Variants in HHLA2 observed in about 807,000 individuals in gnomAD.
HHLA2 encodes the protein HHLA2 member of B7 family.
In HHLA2, 48 loss-of-function variants were observed where a neutral mutation model predicts 45.9. The observed-to-expected ratio is 1.05, with a 90% CI of 0.83 to 1.33. The LOEUF (loss-of-function observed/expected upper bound fraction) is 1.33, where lower values mean the gene tolerates loss of function less well. Ranked by LOEUF, HHLA2 falls within the 40% of genes most tolerant of loss-of-function variation. HHLA2 has a pLI of 0.00. For synonymous variants in HHLA2, 161 were observed against 173.9 expected, an observed-to-expected ratio of 0.93 and a Z score of 0.59; for missense variants, 462 against 494.3, an observed-to-expected ratio of 0.93 and a Z score of 0.62.
intron 8 of HHLA2, among the ~76,000 whole-genome samples, chr3:108,363,262 G>GA (rs918230915): frequency 9.2e-5 from 14 of 152,238 alleles, no homozygotes; most frequent in Admixed American, 9.2e-4. Flanking sequence ...AGGAATCCAG[G>GA]AAGTTAGCTT....
intron 1 of HHLA2, among the ~76,000 whole-genome samples, chr3:108,306,488 A>C (rs1414042062): frequency 6.6e-6 from 1 of 152,046 alleles, no homozygotes; most frequent in African/African-American, 2.4e-5. Flanking sequence ...GGCCTGCTCG[A>C]GCTCTCCCTC....
intron 3 of HHLA2, among the ~76,000 whole-genome samples, chr3:108,340,354 G>T (rs1221842299): frequency 6.6e-6 from 1 of 152,204 alleles, no homozygotes; most frequent in Non-Finnish European, 1.5e-5. Context: ...ATGGGGGCAT[G>T]GGTAAAGATG....
intron 3 of HHLA2, among the ~76,000 whole-genome samples, chr3:108,330,598 G>C (rs939372768): frequency 6.6e-6 from 1 of 152,178 alleles, no homozygotes; most frequent in Non-Finnish European, 1.5e-5. Flanking sequence ...TGATGGCCTT[G>C]AAGAAAGAAA....
chr3:108,376,570 T>A lies in HHLA2; in HGVS notation c.1224+13T>A. 6.2e-7 allele frequency: 1 copy of A among 1,609,126 alleles called. No homozygotes were observed. The highest frequency in any genetic ancestry group is 8.5e-7 in the Non-Finnish European group (1 of 1,176,276). On this transcript the variant is annotated intron_variant, in intron 10 of 10. Coordinates refer to ENST00000619531, the Ensembl canonical transcript of HHLA2. ...CGAAGAAAATGTGGTAAGGCATTAT[T>A]TCCTTTATCAAACCATATACAGTAT...
chr3:108,336,871 T>A (rs2081480504), intron 3 of HHLA2, among the ~76,000 whole-genome samples: 1 of 152,046 alleles, frequency 6.6e-6, no homozygotes, highest in South Asian at 2.1e-4. Flanking sequence ...AGAGAATACC[T>A]AATACCAGTT....
At chr3:108,340,864 G>A (rs1455751523) in intron 3 of HHLA2, among the ~76,000 whole-genome samples, 1 of 147,756 alleles carries the variant, frequency 6.8e-6, no homozygotes, top group African/African-American at 2.5e-5. Flanking sequence ...AGAAACAGGG[G>A]TCCTGGAGAG....
Position 108,376,508 on chromosome 3 carries a change from C to T in HHLA2, c.1175C>T (p.Pro392Leu), listed in dbSNP as rs77035676. 1,125 of 1,606,592 alleles carry T rather than the reference C, an allele frequency of 7.0e-4. 8 individuals carry two copies. The African/African-American group carries it at 0.012, about 17-fold the overall frequency. ...TTTCCTGTAGAAAGATGTTGTGTCC[C>T]TCCTGGTGAGCGCTGTCCCAGTGCA... Residue 392 changes from proline to leucine, a missense_variant, in exon 10 of 11, where the codon CCT becomes CTT. By Grantham distance (98) the Pro-to-Leu change is moderately conservative. This residue lies in a region of HHLA2 where 123 missense variants were observed against 110.5 expected (regional missense o/e 1.11). Coordinates refer to ENST00000619531, the Ensembl canonical transcript of HHLA2.
chr3:108,353,737 A>T, exon 5 of HHLA2: 1 of 1,613,146 alleles, frequency 6.2e-7, no homozygotes, highest in Non-Finnish European at 8.5e-7. Flanking sequence ...ATGTAGGAAC[A>T]GCAATTCAAG....
intron 2 of HHLA2, chr3:108,311,929 C>G (rs1289445445): frequency 6.6e-6 from 1 of 152,240 alleles, no homozygotes; most frequent in Non-Finnish European, 1.5e-5. Context: ...CTCTTTTCTG[C>G]CCTTCCTCAC....
chr3:108,324,386 C>T (rs2081254103), intron 2 of HHLA2, among the ~76,000 whole-genome samples: 4 of 152,124 alleles, frequency 2.6e-5, no homozygotes, highest in Admixed American at 2.6e-4. Flanking sequence ...TGTATCAGCA[C>T]ATTTAGATCT....
At chr3:108,317,556 G>C (rs1210891856) in intron 2 of HHLA2, among the ~76,000 whole-genome samples, 1 of 151,544 alleles carries the variant, frequency 6.6e-6, no homozygotes, top group Non-Finnish European at 1.5e-5. Context: ...AGGTAGCCTA[G>C]GATAGTAGGG....
chr3:108,305,539 T>A (rs937551346), intron 1 of HHLA2, among the ~76,000 whole-genome samples: 4 of 152,190 alleles, frequency 2.6e-5, no homozygotes, highest in Admixed American at 2.0e-4. Flanking sequence ...CCCAATGTCA[T>A]CATCTAGTCC....
At chr3:108,321,500 T>C (rs2081201752) in intron 2 of HHLA2, among the ~76,000 whole-genome samples, 1 of 152,182 alleles carries the variant, frequency 6.6e-6, no homozygotes, top group Non-Finnish European at 1.5e-5. Context: ...TTCTTTTTGC[T>C]GGCAAGTCAT....
chr3:108,357,720 C>T lies in HHLA2; in HGVS notation c.686-124C>T, dbSNP rs113381245. 4.8e-4 allele frequency: 374 copies of T among 784,586 alleles called. 2 individuals carry two copies. The African/African-American group carries it at 5.6e-3, about 12-fold the overall frequency. 48.6% of individuals were successfully genotyped at this position (784,586 alleles called of 1,614,324 possible). A position where few individuals can be genotyped will look rare whatever the true frequency, so the allele number is the denominator to read the frequency against. ...ACCACAGTACAAATATAATTACTTT[C>T]CAAAAAGTTATTTCCAAATATATCA... On this transcript the variant is annotated intron_variant, in intron 6 of 10. Transcript: ENST00000619531.
Position 108,375,813 on chromosome 3 carries a change from T to C in HHLA2, c.1159+13T>C, listed in dbSNP as rs750388865. ...GGAGCCCAACAAGGTCAGCCTCCCA[T>C]GTCTGAGAGAAGAATGGATTCTGGT... On this transcript the variant is annotated intron_variant, in intron 9 of 10. Transcript: ENST00000619531. The C allele has an allele frequency of 2.2e-5, 35 of 1,608,792 alleles. No homozygotes were observed. Among genetic ancestry groups the C allele is most frequent in the Non-Finnish European group, 2.8e-5 (33 of 1,176,918 alleles).
intron 2 of HHLA2, chr3:108,311,708 T>G (rs1319120730): frequency 6.6e-6 from 1 of 152,234 alleles, no homozygotes; most frequent in Admixed American, 6.5e-5. Flanking sequence ...TATACACATT[T>G]GATTGCAGTA....
In HHLA2 at chr3:108,321,091, T is replaced by TAAAAAAAAAAAA. The variant is rs67374827; in HGVS notation, c.-104-7169_-104-7158dup. On this transcript the variant is annotated intron_variant, in intron 2 of 10. Transcript: ENST00000619531. ...TCACCAGAACATTTCTCCAGGTGTT[T>TAAAAAAAAAAAA]AAAAAAAAAAAAAAAAAAAAAGACT... Among the ~76,000 whole-genome samples, 15 of 101,426 alleles carry TAAAAAAAAAAAA rather than the reference T, an allele frequency of 1.5e-4. 1 individual carries two copies. The highest frequency in any genetic ancestry group is 1.4e-4 in the Non-Finnish European group (7 of 49,596). The allele number at this position is 101,426 out of a possible 152,430, so 66.5% of individuals were successfully genotyped here.
intron 8 of HHLA2, among the ~76,000 whole-genome samples, chr3:108,370,544 GTT>G (rs1315822532): frequency 2.0e-5 from 3 of 152,144 alleles, no homozygotes; most frequent in African/African-American, 7.2e-5. Flanking sequence ...AAAGGAGGAA[GTT>G]CGAACCCATG....
rs527503606 is a variant in HHLA2, at chr3:108,333,306, C to T, written c.-27+4959C>T. On this transcript the variant is annotated intron_variant, in intron 3 of 10. Transcript: ENST00000619531. ...ACAATCTCATGTCATAACCTTAATT[C>T]TCAACCACTTCTTTTTATTCCCTTG... Among the ~76,000 whole-genome samples, 99 of 152,270 alleles carry T rather than the reference C, an allele frequency of 6.5e-4. No homozygotes were observed. The South Asian group carries it at 0.02, about 31-fold the overall frequency.
Sources: allele counts gnomAD v4.1 joint callset (sites outside exome capture counted in the v4.1 genomes callset), GRCh38; gene constraint gnomAD v4.1.1; regional missense constraint gnomAD v4.1.1; transcripts MANE v1.5; gene names NCBI Gene and HGNC (gene_info 2026-07-23, HGNC 2026-07-21).